GAS2: variants seen among roughly 807,000 people sequenced by gnomAD.
GAS2 encodes growth arrest specific 2, also known as growth arrest-specific protein 2.
Under a neutral mutation model 37.5 loss-of-function variants are expected in GAS2, and 20 were observed. That is an observed-to-expected ratio of 0.53 (90% CI 0.37 to 0.77). The LOEUF (loss-of-function observed/expected upper bound fraction) is 0.77, where lower values mean the gene tolerates loss of function less well. GAS2 is among the 30% of genes least tolerant of loss of function. The probability of loss-of-function intolerance (pLI) is 0.00; values close to 1 mark genes in which losing one functional copy is unlikely to be tolerated. For missense variants in GAS2, 336 were observed against 373.4 expected, an observed-to-expected ratio of 0.90 and a Z score of 0.82; for synonymous variants, 144 against 132.2, an observed-to-expected ratio of 1.09 and a Z score of -0.61.
At chr11:22,692,827 A>G (rs1177675547) in intron 3 of GAS2, among the ~76,000 whole-genome samples, 2 of 152,154 alleles carry the variant, frequency 1.3e-5, no homozygotes, top group African/African-American at 4.8e-5. Context: ...TAAGTTCATG[A>G]TAAACATTTA....
intron 7 of GAS2, among the ~76,000 whole-genome samples, chr11:22,757,029 T>C (rs989393944): frequency 6.6e-6 from 1 of 152,148 alleles, no homozygotes; most frequent in Admixed American, 6.5e-5. Context: ...CCTTTCTCAA[T>C]TGATAATCAG....
In GAS2 at chr11:22,743,286, G is replaced by A. The variant is rs79447416; in HGVS notation, c.473+5518G>A. Among the ~76,000 whole-genome samples the A allele has an allele frequency of 1.2e-3, 177 of 152,094 alleles. 5 individuals carry two copies. In the East Asian group the frequency reaches 0.032, roughly 28 times the overall value. On this transcript the variant is annotated intron_variant, in intron 5 of 7. Transcript: ENST00000454584. ...ACCTTAATTTTGAAGTTAACATGAT[G>A]TCATTCAGTGGTATAATATATTCTA...
rs142517626 is a variant in GAS2 at position 22,810,363 on chromosome 11, C to A, written c.724-1435C>A. Among the ~76,000 whole-genome samples the A allele has an allele frequency of 1.8e-4, 27 of 152,092 alleles. No homozygotes were observed. In the East Asian group the frequency reaches 5.2e-3, roughly 30 times the overall value. ...CAGCTCCTTGATACTATCTGGGAGG[C>A]CTGATGGTTGGTTTCCTGAGAAGGG... On this transcript the variant is annotated intron_variant, in intron 7 of 7. Transcript: ENST00000454584.
intron 3 of GAS2, among the ~76,000 whole-genome samples, chr11:22,701,327 T>G (rs1324607442): frequency 6.6e-6 from 1 of 152,142 alleles, no homozygotes; most frequent in Non-Finnish European, 1.5e-5. Flanking sequence ...TAAAATTGGA[T>G]AGTTTGAGTA....
intron 3 of GAS2, among the ~76,000 whole-genome samples, chr11:22,708,301 A>T (rs371617126): frequency 6.6e-6 from 1 of 152,282 alleles, no homozygotes; most frequent in South Asian, 2.1e-4. Flanking sequence ...TTTAGTGATT[A>T]TTAAAATCCC....
chr11:22,741,879 C>T (rs968219746), intron 5 of GAS2, among the ~76,000 whole-genome samples: 2 of 152,084 alleles, frequency 1.3e-5, no homozygotes, highest in African/African-American at 2.4e-5. Flanking sequence ...GACAGTTTCT[C>T]GCACTAGGCT....
At chr11:22,782,817 T>A (rs117994290) in intron 7 of GAS2, among the ~76,000 whole-genome samples, 3 of 150,128 alleles carry the variant, frequency 2.0e-5, no homozygotes, top group Admixed American at 2.0e-4. Context: ...ATGGTATATA[T>A]GTACCATATT....
rs116296635 is a variant in GAS2 at position 22,771,430 on chromosome 11, G to A, written c.723+15477G>A. ...CTCCCATTTGTAGTTTAATGCAAAA[G>A]GAACCTCATGGACCTCCACCACATT... On this transcript the variant is annotated intron_variant, in intron 7 of 7. Transcript: ENST00000454584. 5.1e-3 allele frequency among the ~76,000 whole-genome samples: 776 copies of A among 152,170 alleles called. 6 individuals are homozygous for A. Among genetic ancestry groups the A allele is most frequent in the African/African-American group, 0.018 (741 of 41,508 alleles).
intron 7 of GAS2, among the ~76,000 whole-genome samples, chr11:22,785,051 C>T (rs374036925): frequency 6.6e-6 from 1 of 152,116 alleles, no homozygotes; most frequent in Non-Finnish European, 1.5e-5. Context: ...GTTCCTCCAT[C>T]ACACTAGACA....
intron 2 of GAS2, among the ~76,000 whole-genome samples, chr11:22,677,972 AC>A (rs1339079020): frequency 1.7e-4 from 15 of 88,418 alleles, no homozygotes; most frequent in Non-Finnish European, 3.2e-4. Context: ...TAAATGAATG[AC>A]TTTTTTTTTC....
intron 1 of GAS2, among the ~76,000 whole-genome samples, chr11:22,649,085 C>T (rs1390279812): frequency 9.9e-5 from 15 of 152,204 alleles, no homozygotes; most frequent in South Asian, 6.2e-4. Flanking sequence ...TTTTGAAATA[C>T]GTCCCATCAA....
intron 3 of GAS2, among the ~76,000 whole-genome samples, chr11:22,724,216 T>C (rs145202544): frequency 0.026 from 4,017 of 152,074 alleles, 169 homozygotes; most frequent in African/African-American, 0.092. Flanking sequence ...GAAAAATATC[T>C]GTTTGCAAAT....
intron 3 of GAS2, among the ~76,000 whole-genome samples, chr11:22,693,386 C>T (rs541255503): frequency 6.6e-6 from 1 of 152,286 alleles, no homozygotes; most frequent in South Asian, 2.1e-4. Flanking sequence ...AAATATGTTA[C>T]TTCATTGTAA....
intron 3 of GAS2, among the ~76,000 whole-genome samples, chr11:22,686,354 T>C (rs1006053878): frequency 6.6e-6 from 1 of 152,058 alleles, no homozygotes; most frequent in Non-Finnish European, 1.5e-5. Context: ...TGTTTGACTT[T>C]TTTTGAAGAA....
At chr11:22,790,901 T>A (rs1278238735) in intron 7 of GAS2, among the ~76,000 whole-genome samples, 1 of 152,138 alleles carries the variant, frequency 6.6e-6, no homozygotes, top group African/African-American at 2.4e-5. Flanking sequence ...GAAGACCTGT[T>A]TTTTGCTTCA....
chr11:22,668,935 A>G (rs1849094128), intron 1 of GAS2, among the ~76,000 whole-genome samples: 1 of 152,208 alleles, frequency 6.6e-6, no homozygotes, highest in Non-Finnish European at 1.5e-5. Context: ...GTTTCCACTC[A>G]ATGTTTTTTG....
intron 3 of GAS2, among the ~76,000 whole-genome samples, chr11:22,717,491 T>C (rs1017426629): frequency 2.0e-5 from 3 of 151,836 alleles, no homozygotes; most frequent in African/African-American, 7.3e-5. Context: ...TACATAAAAA[T>C]CAACTCTAAG....
intron 7 of GAS2, among the ~76,000 whole-genome samples, chr11:22,778,760 T>G (rs559235133): frequency 3.3e-5 from 5 of 152,348 alleles, no homozygotes; most frequent in African/African-American, 1.2e-4. Context: ...ATGCCTTATT[T>G]AATCCTGTTA....
At chr11:22,787,611 T>C (rs984221885) in intron 7 of GAS2, among the ~76,000 whole-genome samples, 1 of 152,138 alleles carries the variant, frequency 6.6e-6, no homozygotes, top group African/African-American at 2.4e-5. Context: ...AAAGATCAGC[T>C]AAATAGTTTT....
Sources: allele counts gnomAD v4.1 joint callset (sites outside exome capture counted in the v4.1 genomes callset), GRCh38; gene constraint gnomAD v4.1.1; transcripts MANE v1.5; gene names NCBI Gene and HGNC (gene_info 2026-07-23, HGNC 2026-07-21).